Variants in RAP1GAP2 observed in about 807,000 individuals in gnomAD.
RAP1GAP2 encodes the protein rap1 GTPase-activating protein 2.
RAP1GAP2 carries 27 observed loss-of-function variants against 95.0 expected under a neutral mutation model. The observed-to-expected ratio is 0.28, with a 90% CI of 0.21 to 0.39. RAP1GAP2 has a LOEUF of 0.39. RAP1GAP2 is among the 10% of genes least tolerant of loss of function. The pLI is 1.00. For synonymous variants in RAP1GAP2, 373 were observed against 380.9 expected, an observed-to-expected ratio of 0.98 and a Z score of 0.24; for missense variants, 771 against 970.0, an observed-to-expected ratio of 0.79 and a Z score of 2.72.
rs553802085 is a variant in RAP1GAP2 at position 2,827,978 on chromosome 17, G to A, written c.80+27428G>A. On this transcript the variant is annotated intron_variant, in intron 2 of 24. Transcript: ENST00000254695. The surrounding 1 kb of genome is among the most constrained non-coding windows in gnomAD (Gnocchi z 4.1). ...CTTCCCTGTGGGGGAGCCACAAGAG[G>A]CCGTCCCTGGGCCTGCAAGCATGAG... is the stretch of plus-strand genomic sequence containing the variant. 7.9e-5 allele frequency among the ~76,000 whole-genome samples: 12 copies of A among 152,312 alleles called. No homozygotes were observed. In the East Asian group the frequency reaches 2.3e-3, roughly 29 times the overall value.
chr17:2,852,060 G>A (rs941700229), intron 2 of RAP1GAP2, among the ~76,000 whole-genome samples: 4 of 152,196 alleles, frequency 2.6e-5, no homozygotes, highest in African/African-American at 7.2e-5. Context: ...CAGCTAACCT[G>A]TGGGTCCTCG....
At chr17:2,918,450 AAAAG>A (rs1387573675) in intron 3 of RAP1GAP2, among the ~76,000 whole-genome samples, 15 of 151,682 alleles carry the variant, frequency 9.9e-5, no homozygotes, top group Non-Finnish European at 1.9e-4. Flanking sequence ...AAAAAAAAAA[AAAAG>A]AAAGGTTTAA....
At chr17:3,023,217 C>A (rs1008252056) in intron 19 of RAP1GAP2, among the ~76,000 whole-genome samples, 1 of 152,188 alleles carries the variant, frequency 6.6e-6, no homozygotes, top group African/African-American at 2.4e-5. Context: ...GAGTACTGGC[C>A]TGTAACTCTC....
intron 2 of RAP1GAP2, among the ~76,000 whole-genome samples, chr17:2,828,319 C>G (rs923213072): frequency 6.7e-6 from 1 of 148,842 alleles, no homozygotes; most frequent in African/African-American, 2.5e-5. Context: ...CCAACCTGGG[C>G]GACAGTGAGA....
intron 3 of RAP1GAP2, among the ~76,000 whole-genome samples, chr17:2,937,383 A>G (rs576897663): frequency 6.6e-6 from 1 of 152,188 alleles, no homozygotes; most frequent in Non-Finnish European, 1.5e-5. Context: ...AGGGGGTTGC[A>G]GAAGTGTTCT....
At chr17:3,026,175 A>C in intron 20 of RAP1GAP2, 54 bp downstream of exon 20, 2 of 1,437,332 alleles carry the variant, frequency 1.4e-6, no homozygotes, top group Non-Finnish European at 1.9e-6. Flanking sequence ...GCCCTGGAAC[A>C]CGCCCTCTGC....
chr17:2,822,717 T>A lies in RAP1GAP2; in HGVS notation c.80+22167T>A, dbSNP rs186708335. Among the ~76,000 whole-genome samples the A allele has an allele frequency of 5.5e-3, 830 of 152,012 alleles. 6 individuals are homozygous for A. The highest frequency in any genetic ancestry group is 0.018 in the African/African-American group (738 of 41,452). ...TTTTCCTTTGGGGAAATTTTTTTTT[T>A]AATTATACTTTAAGTTTTAGCGTAC... On this transcript the variant is annotated intron_variant, in intron 2 of 24. Transcript: ENST00000254695.
At chr17:2,880,980 A>G (rs2073263240) in intron 2 of RAP1GAP2, among the ~76,000 whole-genome samples, 3 of 151,464 alleles carry the variant, frequency 2.0e-5, no homozygotes, top group African/African-American at 7.3e-5. Flanking sequence ...TACAAAAATT[A>G]GCCATGTGTG....
chr17:2,805,573 A>G (rs1241897184), intron 2 of RAP1GAP2, among the ~76,000 whole-genome samples: 1 of 151,886 alleles, frequency 6.6e-6, no homozygotes, highest in African/African-American at 2.4e-5. Context: ...GGGTTTCACC[A>G]TGTTGGCCAG....
chr17:2,790,377 C>G (rs2068894326), intron 1 of RAP1GAP2, among the ~76,000 whole-genome samples: 1 of 152,124 alleles, frequency 6.6e-6, no homozygotes, highest in Non-Finnish European at 1.5e-5. Flanking sequence ...AGGTGTAATC[C>G]CAAAGCGCTG....
intron 1 of RAP1GAP2, among the ~76,000 whole-genome samples, chr17:2,786,641 T>A (rs972377953): frequency 3.6e-4 from 20 of 55,230 alleles, no homozygotes; most frequent in South Asian, 1.0e-3. Context: ...TTTTCTTCAA[T>A]TTTTTTTTTT....
At position 2,854,008 on chromosome 17, in the gene RAP1GAP2, G is replaced by A. The variant is rs530147496; in HGVS notation, c.81-51276G>A. The A allele has an allele frequency of 5.1e-6, 5 of 984,768 alleles. No homozygotes were observed. In the Admixed American group the frequency reaches 2.5e-4, roughly 49 times the overall value. 61.0% of individuals were successfully genotyped at this position (984,768 alleles called of 1,614,324 possible). On this transcript the variant is annotated intron_variant, in intron 2 of 24. Coordinates refer to ENST00000254695, the MANE Select transcript of RAP1GAP2 (RefSeq NM_015085.5). ...GGGCGGCCTCGCCATGTCCCAGCCC[G>A]CGGGGAGGAGGCATTGCCGAAAGGC...
In RAP1GAP2 at chr17:2,825,362, G is replaced by A. The variant is rs543324017; in HGVS notation, c.80+24812G>A. 6.6e-6 allele frequency among the ~76,000 whole-genome samples: 1 copy of A among 152,276 alleles called. No individual in the cohort carries two copies. Among genetic ancestry groups the A allele is most frequent in the African/African-American group, 2.4e-5 (1 of 41,582 alleles). ...GAGAAGAAACTTTGCTGTTGGAACT[G>A]GGTCAGAATTGGAATACAGGAAGCA... On this transcript the variant is annotated intron_variant, in intron 2 of 24. Transcript: ENST00000254695. The surrounding 1 kb of genome is among the most constrained non-coding windows in gnomAD (Gnocchi z 4.1).
At chr17:3,001,996 G>A (rs936940013) in intron 14 of RAP1GAP2, among the ~76,000 whole-genome samples, 2 of 141,788 alleles carry the variant, frequency 1.4e-5, no homozygotes, top group African/African-American at 2.6e-5. Flanking sequence ...AGACAGTCTC[G>A]CTGTCACCCA....
At position 2,984,968 on chromosome 17, in the gene RAP1GAP2, TGCCA is replaced by T; in HGVS notation, c.730-14_730-11del. ...TAACAAATGTTGATTTTTTTTTTCT[TGCCA>T]CATTTTCCAGGCCTCCCAAATGATT... On this transcript the variant is annotated splice_polypyrimidine_tract_variant and intron_variant, in intron 10 of 24. Coordinates refer to ENST00000254695, the MANE Select transcript of RAP1GAP2 (RefSeq NM_015085.5). 1.2e-6 allele frequency: 2 copies of T among 1,604,024 alleles called. No homozygotes were observed. Among genetic ancestry groups the T allele is most frequent in the Admixed American group, 1.7e-5 (1 of 57,812 alleles).
intron 2 of RAP1GAP2, among the ~76,000 whole-genome samples, chr17:2,829,589 GA>G: frequency 6.6e-6 from 1 of 152,270 alleles, no homozygotes; most frequent in African/African-American, 2.4e-5. Flanking sequence ...AGCTGCACAA[GA>G]GCTCACCGAA....
intron 19 of RAP1GAP2, among the ~76,000 whole-genome samples, chr17:3,021,633 C>T (rs1212291854): frequency 6.6e-6 from 1 of 152,100 alleles, no homozygotes; most frequent in Non-Finnish European, 1.5e-5. Context: ...CGGGGTTTTG[C>T]CATGTTGGCC....
At chr17:2,892,062 G>A (rs948229978) in intron 2 of RAP1GAP2, among the ~76,000 whole-genome samples, 6 of 152,090 alleles carry the variant, frequency 3.9e-5, no homozygotes, top group African/African-American at 1.4e-4. Flanking sequence ...GACCTCAGGT[G>A]ATCTGCCTGT....
Position 2,912,760 on chromosome 17 carries a change from A to G in RAP1GAP2, c.165+7392A>G, listed in dbSNP as rs113230125. 2.6e-3 allele frequency among the ~76,000 whole-genome samples: 392 copies of G among 152,278 alleles called. 2 individuals carry two copies. Among genetic ancestry groups the G allele is most frequent in the African/African-American group, 9.0e-3 (376 of 41,554 alleles). ...ATACAACCCCATCTCCTCAGGAGCC[A>G]CTGCCCATTGTTCTCTTGACTCCAT... On this transcript the variant is annotated intron_variant, in intron 3 of 24. Transcript: ENST00000254695.
Sources: allele counts gnomAD v4.1 joint callset (sites outside exome capture counted in the v4.1 genomes callset), GRCh38; gene constraint gnomAD v4.1.1; non-coding constraint Gnocchi (gnomAD v3.1); transcripts MANE v1.5; gene names NCBI Gene and HGNC (gene_info 2026-07-23, HGNC 2026-07-21).